INPP5A: variants seen among roughly 807,000 people sequenced by gnomAD.
INPP5A encodes the protein inositol polyphosphate-5-phosphatase A, also known as 43 kDa inositol polyphosphate 5-phophatase.
INPP5A carries 14 observed loss-of-function variants against 65.2 expected under a neutral mutation model. The ratio of observed to expected loss-of-function variants is 0.21; its 90% CI spans 0.14 to 0.34. The LOEUF is 0.34. Ranked by LOEUF, INPP5A falls within the 10% of genes least tolerant of loss-of-function variation. The pLI, the probability that INPP5A is intolerant of heterozygous loss-of-function variation, is 1.00. For missense variants in INPP5A, 431 were observed against 545.6 expected (o/e 0.79, Z 2.09); for synonymous variants, 207 against 208.3 (o/e 0.99, Z 0.05).
intron 8 of INPP5A, among the ~76,000 whole-genome samples, chr10:132,719,309 G>T (rs556352958): frequency 3.5e-5 from 5 of 144,016 alleles, no homozygotes; most frequent in African/African-American, 1.3e-4. Context: ...CTGTCTGGGC[G>T]CCTTAGGCGG....
intron 1 of INPP5A, among the ~76,000 whole-genome samples, chr10:132,590,181 C>T (rs574948682): frequency 2.0e-5 from 3 of 152,256 alleles, no homozygotes; most frequent in South Asian, 2.1e-4. Context: ...ATGCGGCCTC[C>T]TGCAGTGGTC....
chr10:132,714,585 C>T (rs1473094624), intron 8 of INPP5A, among the ~76,000 whole-genome samples: 1 of 152,134 alleles, frequency 6.6e-6, no homozygotes, highest in East Asian at 1.9e-4. Context: ...AGCTGCGGGG[C>T]CGGCAGCACC....
chr10:132,653,986 C>T (rs1487675776), intron 4 of INPP5A, among the ~76,000 whole-genome samples: 1 of 152,252 alleles, frequency 6.6e-6, no homozygotes, highest in Non-Finnish European at 1.5e-5. Flanking sequence ...CACACGCTTC[C>T]CAATTACGTC....
At chr10:132,772,961 C>T (rs568501903) in intron 12 of INPP5A, among the ~76,000 whole-genome samples, 7 of 152,376 alleles carry the variant, frequency 4.6e-5, no homozygotes, top group East Asian at 1.9e-4. Flanking sequence ...AGCGAGCCGC[C>T]GCTGCGCACA....
chr10:132,567,571 C>T (rs1446538249), intron 1 of INPP5A, among the ~76,000 whole-genome samples: 1 of 152,200 alleles, frequency 6.6e-6, no homozygotes, highest in Non-Finnish European at 1.5e-5. Context: ...TAACACGGGA[C>T]ACTACTGTTG....
Position 132,780,851 on chromosome 10 carries a change from G to A in INPP5A, c.1092G>A (p.Ser364=), listed in dbSNP as rs573233283. The A allele has an allele frequency of 1.2e-5, 20 of 1,613,232 alleles. No homozygotes were observed. The highest frequency in any genetic ancestry group is 7.7e-5 in the South Asian group (7 of 91,082). ...ACCTGTCTGTTTCCCCTTTCCAGTCGGAGAGCGAGGAGAAGGTTGTCACCT... is the reference window on the plus strand; with the variant it reads ...ACCTGTCTGTTTCCCCTTTCCAGTCAGAGAGCGAGGAGAAGGTTGTCACCT... ...SPSAKELVLR[S]ESEEKVVTYD... is the part of the protein sequence containing the mutation. The change falls in exon 14 of 16, where the codon TCG becomes TCA. Residue 364 remains serine (S), a splice_region_variant and synonymous_variant. Transcript: ENST00000368594.
intron 4 of INPP5A, among the ~76,000 whole-genome samples, chr10:132,664,920 G>A (rs889704004): frequency 6.6e-6 from 1 of 152,144 alleles, no homozygotes; most frequent in Non-Finnish European, 1.5e-5. Context: ...CTTAAGTATC[G>A]GAGTCCCCGA....
intron 2 of INPP5A, among the ~76,000 whole-genome samples, chr10:132,641,157 A>G (rs1260937350): frequency 2.6e-5 from 4 of 152,234 alleles, no homozygotes; most frequent in Non-Finnish European, 5.9e-5. Context: ...TTCTGTAAAG[A>G]GGGACTGTGT....
intron 1 of INPP5A, among the ~76,000 whole-genome samples, chr10:132,605,635 G>A (rs1404224692): frequency 2.0e-5 from 3 of 152,042 alleles, no homozygotes; most frequent in Non-Finnish European, 4.4e-5. Context: ...CCAAGCTGGG[G>A]TCAGCCAGGC....
chr10:132,756,536 C>T (rs1457187394), intron 11 of INPP5A, among the ~76,000 whole-genome samples: 1 of 152,214 alleles, frequency 6.6e-6, no homozygotes, highest in Non-Finnish European at 1.5e-5. Flanking sequence ...TGTGATGTAA[C>T]TGTTGTGACA....
chr10:132,642,359 C>T lies in INPP5A; in HGVS notation c.118-3509C>T, dbSNP rs2072437099. 3.9e-5 allele frequency among the ~76,000 whole-genome samples: 6 copies of T among 152,166 alleles called. No individual in the cohort carries two copies. In the South Asian group the frequency reaches 1.2e-3, roughly 31 times the overall value. ...CTCGGTTCTTCTCCACGCGGTTCGC[C>T]GGCCATCCTCTCGCATCAGGGCTGT... On this transcript the variant is annotated intron_variant, in intron 2 of 15. Transcript: ENST00000368594.
chr10:132,661,193 T>C (rs1382426727), intron 4 of INPP5A, among the ~76,000 whole-genome samples: 1 of 152,206 alleles, frequency 6.6e-6, no homozygotes, highest in African/African-American at 2.4e-5. Flanking sequence ...CATGTGTAAA[T>C]TGTTTGATGC....
Position 132,675,482 on chromosome 10 carries a change from T to C in INPP5A, c.307-14910T>C, listed in dbSNP as rs2072950785. On this transcript the variant is annotated intron_variant, in intron 4 of 15. Coordinates refer to ENST00000368594, the MANE Select transcript of INPP5A (RefSeq NM_005539.5). This position sits in a 1 kb window ranked among gnomAD's most constrained non-coding sequence, Gnocchi z 4.2. Reference sequence around the variant, plus strand: ...GGCAAATGGCCATGGGCATTGGTTGTGTAAACCGAGGCACCTCCTGCAGTG... The same window carrying C: ...GGCAAATGGCCATGGGCATTGGTTGCGTAAACCGAGGCACCTCCTGCAGTG... Among the ~76,000 whole-genome samples the C allele has an allele frequency of 6.6e-6, 1 of 152,218 alleles. No homozygotes were observed. Among genetic ancestry groups the C allele is most frequent in the African/African-American group, 2.4e-5 (1 of 41,434 alleles).
intron 1 of INPP5A, among the ~76,000 whole-genome samples, chr10:132,602,648 A>T (rs1381866417): frequency 6.6e-6 from 1 of 152,218 alleles, no homozygotes; most frequent in Admixed American, 6.5e-5. Context: ...ACATAAGAGC[A>T]TATAGTCTGT....
intron 9 of INPP5A, among the ~76,000 whole-genome samples, chr10:132,745,861 C>T (rs947825173): frequency 1.3e-5 from 2 of 151,956 alleles, no homozygotes; most frequent in Non-Finnish European, 2.9e-5. Flanking sequence ...GCCATGGTGG[C>T]CTCGGGTGTG....
At chr10:132,716,069 G>A (rs937709990) in intron 8 of INPP5A, among the ~76,000 whole-genome samples, 10 of 152,214 alleles carry the variant, frequency 6.6e-5, no homozygotes, top group African/African-American at 2.4e-4. Flanking sequence ...CCATGGCTGC[G>A]ATCTTCATTT....
Position 132,538,772 on chromosome 10 carries a change from C to T in INPP5A, c.75+601C>T, listed in dbSNP as rs1564908798. Among the ~76,000 whole-genome samples, 1 of 152,170 alleles carries T rather than the reference C, an allele frequency of 6.6e-6. No individual in the cohort carries two copies. Among genetic ancestry groups the T allele is most frequent in the African/African-American group, 2.4e-5 (1 of 41,426 alleles). ...CCAAACCCTGAAACATAACCACAAA[C>T]CCTAACCCAGGAACTTCTGACACAG... On this transcript the variant is annotated intron_variant, in intron 1 of 15. Coordinates refer to ENST00000368594, the MANE Select transcript of INPP5A (RefSeq NM_005539.5). The surrounding 1 kb of genome is among the most constrained non-coding windows in gnomAD (Gnocchi z 4.1).
intron 1 of INPP5A, among the ~76,000 whole-genome samples, chr10:132,601,849 G>GGCAAA (rs1232376577): frequency 1.4e-5 from 2 of 147,454 alleles, no homozygotes; most frequent in Non-Finnish European, 3.0e-5. Flanking sequence ...CTTGTGCCAG[G>GGCAAA]ACCACACTGT....
chr10:132,699,822 T>A (rs1337777153), intron 6 of INPP5A, among the ~76,000 whole-genome samples: 1 of 152,128 alleles, frequency 6.6e-6, no homozygotes, highest in Non-Finnish European at 1.5e-5. Context: ...GACCTCCTTC[T>A]TGCACCCATG....
Sources: allele counts gnomAD v4.1 joint callset (sites outside exome capture counted in the v4.1 genomes callset), GRCh38; gene constraint gnomAD v4.1.1; non-coding constraint Gnocchi (gnomAD v3.1); transcripts MANE v1.5; gene names NCBI Gene and HGNC (gene_info 2026-07-23, HGNC 2026-07-21).